The following PPP1R3D variants were observed in gnomAD, a reference collection of about 807,000 sequenced individuals.
PPP1R3D encodes the protein protein phosphatase 1 regulatory subunit 3D.
PPP1R3D carries 27 observed loss-of-function variants against 16.3 expected under a neutral mutation model. The observed-to-expected ratio is 1.66, with a 90% CI of 1.22 to 2.29. PPP1R3D has a LOEUF of 2.29. PPP1R3D is among the 30% of genes most tolerant of loss of function. PPP1R3D has a pLI of 0.00. For missense variants in PPP1R3D, 472 were observed against 438.3 expected, an observed-to-expected ratio of 1.08 and a Z score of -0.69; for synonymous variants, 223 against 209.7, an observed-to-expected ratio of 1.06 and a Z score of -0.55.
chr20:59,938,293 T>A lies in PPP1R3D; in HGVS notation c.*739A>T, dbSNP rs78249823. Reference sequence around the variant, plus strand: ...GAATGCAGAGAAATAACTGTTTTGCTAGTTTAAAAGTCTGAAGCTTTTCCC... The same window carrying A: ...GAATGCAGAGAAATAACTGTTTTGCAAGTTTAAAAGTCTGAAGCTTTTCCC... On this transcript the variant is annotated 3_prime_UTR_variant, in exon 1 of 1. Coordinates refer to ENST00000370996, the MANE Select transcript of PPP1R3D (RefSeq NM_006242.4). The A allele has an allele frequency of 1.3e-5, 2 of 152,392 alleles. No homozygotes were observed. The highest frequency in any genetic ancestry group is 3.9e-4 in the East Asian group (2 of 5,188). 9.4% of individuals were successfully genotyped at this position (152,392 alleles called of 1,614,324 possible). A position where few individuals can be genotyped will look rare whatever the true frequency, so the allele number is the denominator to read the frequency against.
chr20:59,939,160 G>T lies in PPP1R3D; in HGVS notation c.772C>A (p.Arg258Ser), dbSNP rs373679233. Residue 258 changes from arginine to serine, a missense_variant, in exon 1 of 1, where the codon CGC (arginine) becomes AGC (serine). Physicochemically the swap from Arg to Ser is moderately radical, Grantham distance 110. Transcript: ENST00000370996. The stretch of plus-strand genomic sequence containing the variant: ...TACTCGGCACCCGCCACTTGGTAGC[G>T]CACCGCGAAGTGCACGCGGGAGCCG... ...ELGSRVHFAV[R>S]YQVAGAEYWD... 1 of 1,611,474 alleles carries T rather than the reference G, an allele frequency of 6.2e-7. No homozygotes were observed. Among genetic ancestry groups the T allele is most frequent in the Non-Finnish European group, 8.5e-7 (1 of 1,178,534 alleles).
chr20:59,938,824 A>C lies in PPP1R3D; in HGVS notation c.*208T>G. 2 of 413,182 alleles carry C rather than the reference A, an allele frequency of 4.8e-6. No individual in the cohort carries two copies. The highest frequency in any genetic ancestry group is 4.1e-6 in the Non-Finnish European group (1 of 242,526). 25.6% of individuals were successfully genotyped at this position (413,182 alleles called of 1,614,324 possible). Reference sequence around the variant, plus strand: ...CATTACACAACTCGGCCTTCTGGCCACCTGAGGCTACTTTTTAGACCAAGT... The same window carrying C: ...CATTACACAACTCGGCCTTCTGGCCCCCTGAGGCTACTTTTTAGACCAAGT... On this transcript the variant is annotated 3_prime_UTR_variant, in exon 1 of 1. Coordinates refer to ENST00000370996, the MANE Select transcript of PPP1R3D (RefSeq NM_006242.4).
Position 59,939,103 on chromosome 20 carries a change from G to C in PPP1R3D, c.829C>G (p.Leu277Val), listed in dbSNP as rs17854472. The C allele has an allele frequency of 7.5e-6, 12 of 1,599,992 alleles. No individual in the cohort carries two copies. In the Admixed American group the frequency reaches 2.0e-4, roughly 27 times the overall value. ...WDNNDHRDYS[L>V]TCRNHALHMP... ...TGCAGCGCGTGGTTGCGACATGTGAGGCTGTAGTCTCGGTGGTCGTTGTTG... is the reference window on the plus strand; with the variant it reads ...TGCAGCGCGTGGTTGCGACATGTGACGCTGTAGTCTCGGTGGTCGTTGTTG... Residue 277 changes from leucine (L) to valine (V), a missense_variant, in exon 1 of 1, where the codon CTC becomes GTC. By Grantham distance (32) the Leu-to-Val change is conservative. Transcript: ENST00000370996.
Position 59,939,548 on chromosome 20 carries a change from C to G in PPP1R3D, c.384G>C (p.Pro128=), listed in dbSNP as rs752897007. The change falls in exon 1 of 1, where the codon CCG becomes CCC. Residue 128 remains proline, a synonymous_variant. Transcript: ENST00000370996. ...TTGCGAGCCGCGACAGCACGTGCAGCGGCACGGACGGGTCGTCTCCCGCGT... is the reference window on the plus strand; with the variant it reads ...TTGCGAGCCGCGACAGCACGTGCAGGGGCACGGACGGGTCGTCTCCCGCGT... The part of the protein sequence containing the change: ...VFNAGDDPSV[P]LHVLSRLAIN... The G allele has an allele frequency of 1.2e-6, 2 of 1,611,714 alleles. No homozygotes were observed. Among genetic ancestry groups the G allele is most frequent in the East Asian group, 2.2e-5 (1 of 44,840 alleles).
At position 59,938,891 on chromosome 20, in the gene PPP1R3D, AG is replaced by A; in HGVS notation, c.*140del. On this transcript the variant is annotated 3_prime_UTR_variant, in exon 1 of 1. Coordinates refer to ENST00000370996, the MANE Select transcript of PPP1R3D (RefSeq NM_006242.4). ...GTAGAAGACAGGATGGGCCACTGCC[AG>A]GGGACCTTGCAGCAGAAAATTAGGT... 1.3e-6 allele frequency: 1 copy of A among 782,332 alleles called. No individual in the cohort carries two copies. The highest frequency in any genetic ancestry group is 1.8e-6 in the Non-Finnish European group (1 of 542,518). 48.5% of individuals were successfully genotyped at this position (782,332 alleles called of 1,614,324 possible).
rs779797867 is a variant in PPP1R3D at position 59,938,652 on chromosome 20, A to T, written c.*380T>A. On this transcript the variant is annotated 3_prime_UTR_variant, in exon 1 of 1. Transcript: ENST00000370996. The stretch of plus-strand genomic sequence containing the variant: ...AAAGGTCCCAACATCACAATAATAA[A>T]TAACAGCTATGTTTACAGAGACACA... 4.5e-4 allele frequency: 78 copies of T among 171,630 alleles called. No homozygotes were observed. Among genetic ancestry groups the T allele is most frequent in the Non-Finnish European group, 7.5e-4 (61 of 81,224 alleles). The allele number at this position is 171,630 out of a possible 1,614,324, so 10.6% of individuals were successfully genotyped here.
Position 59,940,166 on chromosome 20 carries a change from T to C in PPP1R3D, c.-235A>G. 1 of 392,572 alleles carries C rather than the reference T, an allele frequency of 2.5e-6. No individual in the cohort carries two copies. Among genetic ancestry groups the C allele is most frequent in the Non-Finnish European group, 4.7e-6 (1 of 214,154 alleles). The allele number at this position is 392,572 out of a possible 1,614,324, so 24.3% of individuals were successfully genotyped here. ...GTAAGAGTGGGGAGTTTTTCTCTAGTGGAAGCTTTCAGAGGCCTCCCGGGA... is the reference window on the plus strand; with the variant it reads ...GTAAGAGTGGGGAGTTTTTCTCTAGCGGAAGCTTTCAGAGGCCTCCCGGGA... On this transcript the variant is annotated 5_prime_UTR_variant, in exon 1 of 1. Coordinates refer to ENST00000370996, the MANE Select transcript of PPP1R3D (RefSeq NM_006242.4).
At position 59,939,335 on chromosome 20, in the gene PPP1R3D, G is replaced by A. The variant is rs2145946493; in HGVS notation, c.597C>T (p.Ala199=). 6.2e-7 allele frequency: 1 copy of A among 1,611,454 alleles called. No homozygotes were observed. Among genetic ancestry groups the A allele is most frequent in the South Asian group, 1.1e-5 (1 of 91,066 alleles). The change falls in exon 1 of 1, where the codon GCC becomes GCT. Residue 199 remains alanine (A), a synonymous_variant. Transcript: ENST00000370996. ...AGCGCACAGCCACCTGCTTCTCGAAGGCCACGTTGCACACGCGCACCGTAC... is the reference window on the plus strand; with the variant it reads ...AGCGCACAGCCACCTGCTTCTCGAAAGCCACGTTGCACACGCGCACCGTAC... The part of the protein sequence containing the change: ...ISGTVRVCNV[A]FEKQVAVRYT...
At position 59,939,376 on chromosome 20, in the gene PPP1R3D, C is replaced by T. The variant is rs539093057; in HGVS notation, c.556G>A (p.Asp186Asn). The change falls in exon 1 of 1, where the codon GAC becomes AAC. Residue 186 changes from aspartate to asparagine, a missense_variant. Coordinates refer to ENST00000370996, the MANE Select transcript of PPP1R3D (RefSeq NM_006242.4). ...LVCLERVTCS[D>N]LGISGTVRVC... ...CGCACCGTACCGCTGATGCCAAGGT[C>T]CGAGCAAGTGACACGCTCCAGGCAC... 71 of 1,610,656 alleles carry T rather than the reference C, an allele frequency of 4.4e-5. No homozygotes were observed. In the Middle Eastern group the frequency reaches 9.9e-4, roughly 22 times the overall value.
rs1487702046 is a variant in PPP1R3D, at chr20:59,937,595, C to G, written c.*1437G>C. 2.0e-5 allele frequency: 3 copies of G among 151,850 alleles called. No homozygotes were observed. Among genetic ancestry groups the G allele is most frequent in the Non-Finnish European group, 2.9e-5 (2 of 67,964 alleles). 9.4% of individuals were successfully genotyped at this position (151,850 alleles called of 1,614,324 possible). On this transcript the variant is annotated 3_prime_UTR_variant, in exon 1 of 1. Transcript: ENST00000370996. ...GAGTTAATTTCTTGGTGACAGGTAG[C>G]ATAAAATTGATCAGACTGGTTTCAG...
rs1215722513 is a variant in PPP1R3D, at chr20:59,939,744, C to A, written c.188G>T (p.Arg63Leu). The change falls in exon 1 of 1, where the codon CGC (arginine) becomes CTC (leucine). Residue 63 changes from arginine to leucine, a missense_variant. Arg to Leu is a moderately radical substitution (Grantham distance 102). Coordinates refer to ENST00000370996, the MANE Select transcript of PPP1R3D (RefSeq NM_006242.4). ...PTPAPSGCDP[R>L]LRPIILRRAR... ...CCGCCGCAGGATGATGGGCCGCAGGCGGGGGTCGCAGCCCGACGGCGCTGG... is the reference window on the plus strand; with the variant it reads ...CCGCCGCAGGATGATGGGCCGCAGGAGGGGGTCGCAGCCCGACGGCGCTGG... The A allele has an allele frequency of 3.2e-6, 4 of 1,233,206 alleles. No homozygotes were observed. In the South Asian group the frequency reaches 1.5e-4, roughly 46 times the overall value. The allele number at this position is 1,233,206 out of a possible 1,614,324, so 76.4% of individuals were successfully genotyped here. A position where few individuals can be genotyped will look rare whatever the true frequency, so the allele number is the denominator to read the frequency against.
At position 59,939,973 on chromosome 20, in the gene PPP1R3D, G is replaced by A; in HGVS notation, c.-42C>T. The A allele has an allele frequency of 8.0e-7, 1 of 1,246,982 alleles. No homozygotes were observed. Among genetic ancestry groups the A allele is most frequent in the Middle Eastern group, 3.1e-4 (1 of 3,204 alleles). The allele number at this position is 1,246,982 out of a possible 1,614,324, so 77.2% of individuals were successfully genotyped here. A position where few individuals can be genotyped will look rare whatever the true frequency, so the allele number is the denominator to read the frequency against. On this transcript the variant is annotated 5_prime_UTR_variant, in exon 1 of 1. Coordinates refer to ENST00000370996, the MANE Select transcript of PPP1R3D (RefSeq NM_006242.4). Reference sequence around the variant, plus strand: ...GGAAGATGAGGCAGGGATGAGAGACGACCTCCCGACCCCGCGACAGCTCCC... The same window carrying A: ...GGAAGATGAGGCAGGGATGAGAGACAACCTCCCGACCCCGCGACAGCTCCC...
Position 59,940,016 on chromosome 20 carries a change from C to A in PPP1R3D, c.-85G>T. ...CAGCTCCCTCCGTGCTCAGAAGCCG[C>A]AGAGAGTCCACCGTATCTGCAACCT... is the stretch of plus-strand genomic sequence containing the variant. On this transcript the variant is annotated 5_prime_UTR_variant, in exon 1 of 1. Coordinates refer to ENST00000370996, the MANE Select transcript of PPP1R3D (RefSeq NM_006242.4). 8.8e-7 allele frequency: 1 copy of A among 1,140,614 alleles called. No individual in the cohort carries two copies. The highest frequency in any genetic ancestry group is 1.1e-6 in the Non-Finnish European group (1 of 893,096). 70.7% of individuals were successfully genotyped at this position (1,140,614 alleles called of 1,614,324 possible).
rs1601042186 is a variant in PPP1R3D at position 59,939,820 on chromosome 20, G to GC, written c.111dup (p.Pro38AlafsTer5). The stretch of plus-strand genomic sequence containing the variant: ...CTCCCAGGGGGCCTACAGGCCCGCG[G>GC]CTCCAGGGCCACGCCGCCGTCCAGG... On this transcript the variant is annotated frameshift_variant, in exon 1 of 1. Coordinates refer to ENST00000370996, the MANE Select transcript of PPP1R3D (RefSeq NM_006242.4). LOFTEE classifies it high-confidence loss of function. The GC allele has an allele frequency of 5.7e-6, 7 of 1,236,060 alleles. No individual in the cohort carries two copies. Among genetic ancestry groups the GC allele is most frequent in the Middle Eastern group, 3.1e-4 (1 of 3,228 alleles). The allele number at this position is 1,236,060 out of a possible 1,614,324, so 76.6% of individuals were successfully genotyped here.
chr20:59,939,866 C>G lies in PPP1R3D; in HGVS notation c.66G>C (p.Arg22=). The part of the protein sequence containing the change: ...SALGSRKLGP[R]SLSCLSDLDG... Reference sequence around the variant, plus strand: ...CCAGGTCCGACAGGCAGCTGAGGCTCCGGGGGCCGAGCTTCCGGGATCCCA... The same window carrying G: ...CCAGGTCCGACAGGCAGCTGAGGCTGCGGGGGCCGAGCTTCCGGGATCCCA... Residue 22 remains arginine, a synonymous_variant, in exon 1 of 1, where the codon CGG becomes CGC. Transcript: ENST00000370996. The G allele has an allele frequency of 8.0e-7, 1 of 1,246,866 alleles. No homozygotes were observed. Among genetic ancestry groups the G allele is most frequent in the Non-Finnish European group, 1.0e-6 (1 of 994,600 alleles). 77.2% of individuals were successfully genotyped at this position (1,246,866 alleles called of 1,614,324 possible). A position where few individuals can be genotyped will look rare whatever the true frequency, so the allele number is the denominator to read the frequency against.
rs1264928153 is a variant in PPP1R3D, at chr20:59,940,160, C to T, written c.-229G>A. 5.0e-6 allele frequency: 2 copies of T among 397,768 alleles called. No individual in the cohort carries two copies. Among genetic ancestry groups the T allele is most frequent in the Admixed American group, 4.5e-5 (1 of 22,122 alleles). The allele number at this position is 397,768 out of a possible 1,614,324, so 24.6% of individuals were successfully genotyped here. Reference sequence around the variant, plus strand: ...GAAATTGTAAGAGTGGGGAGTTTTTCTCTAGTGGAAGCTTTCAGAGGCCTC... The same window carrying T: ...GAAATTGTAAGAGTGGGGAGTTTTTTTCTAGTGGAAGCTTTCAGAGGCCTC... On this transcript the variant is annotated 5_prime_UTR_variant, in exon 1 of 1. Coordinates refer to ENST00000370996, the MANE Select transcript of PPP1R3D (RefSeq NM_006242.4).
rs770024453 is a variant in PPP1R3D, at chr20:59,939,461, GGGCACCA to G, written c.464_470del (p.Leu155ProfsTer182). The G allele has an allele frequency of 3.1e-6, 5 of 1,611,904 alleles. No homozygotes were observed. The South Asian group carries it at 5.5e-5, about 18-fold the overall frequency. ...CGGCCTCGACGGGCGGCGGGAAATC[GGGCACCA>G]GGCAATGCAGGGTGAACTCCAGGTC... On this transcript the variant is annotated frameshift_variant, in exon 1 of 1. Transcript: ENST00000370996. LOFTEE classifies it high-confidence loss of function.
rs139860582 is a variant in PPP1R3D, at chr20:59,939,118, G to T, written c.814C>A (p.His272Asn). Residue 272 changes from histidine (H) to asparagine (N), a missense_variant, in exon 1 of 1, where the codon CAC (histidine) becomes AAC (asparagine). Coordinates refer to ENST00000370996, the MANE Select transcript of PPP1R3D (RefSeq NM_006242.4). ...CGACATGTGAGGCTGTAGTCTCGGT[G>T]GTCGTTGTTGTCCCAGTACTCGGCA... ...AGAEYWDNND[H>N]RDYSLTCRNH... The T allele has an allele frequency of 6.2e-7, 1 of 1,605,092 alleles. No homozygotes were observed. The highest frequency in any genetic ancestry group is 1.7e-4 in the Middle Eastern group (1 of 6,050).
chr20:59,939,415 G>A lies in PPP1R3D; in HGVS notation c.517C>T (p.Gln173Ter), dbSNP rs1343870971. Reference sequence around the variant, plus strand: ...CGCTCCAGGCACACGAGCTGCCGCTGCAGGCGCTCGCCAAAGTCGGCGGCC... The same window carrying A: ...CGCTCCAGGCACACGAGCTGCCGCTACAGGCGCTCGCCAAAGTCGGCGGCC... Reference protein sequence around the residue: ...VEAADFGERLQRQLVCLERVT... With the variant: ...VEAADFGERL The change falls in exon 1 of 1, where the codon CAG (glutamine) becomes TAG (stop). Residue 173 changes from glutamine to a stop codon, truncating the protein, a stop_gained. Coordinates refer to ENST00000370996, the MANE Select transcript of PPP1R3D (RefSeq NM_006242.4). LOFTEE classifies it high-confidence loss of function. 8.7e-6 allele frequency: 14 copies of A among 1,610,776 alleles called. No homozygotes were observed. The East Asian group carries it at 2.9e-4, about 33-fold the overall frequency.
Sources: gnomAD v4.1 joint callset for allele counts on GRCh38, gnomAD v4.1.1 for gene constraint, MANE v1.5 for transcripts, NCBI Gene and HGNC (gene_info 2026-07-23, HGNC 2026-07-21) for gene names.